MARS2: variants seen among roughly 807,000 people sequenced by gnomAD.
MARS2 encodes methionine--tRNA ligase, mitochondrial.
A neutral mutation model predicts 43.8 loss-of-function variants in MARS2; 33 were observed. The observed-to-expected ratio is 0.75, with a 90% CI of 0.57 to 1.01. The LOEUF (loss-of-function observed/expected upper bound fraction) is 1.01, where lower values mean the gene tolerates loss of function less well. Among genes scored for constraint, MARS2 ranks in the 50% least tolerant of loss-of-function variants. The probability of loss-of-function intolerance (pLI) is 0.00; values close to 1 mark genes in which losing one functional copy is unlikely to be tolerated. For synonymous variants in MARS2, 351 were observed against 325.5 expected (o/e 1.08, Z -0.84); for missense variants, 720 against 763.0 (o/e 0.94, Z 0.66).
At position 197,707,501 on chromosome 2, in the gene MARS2, C is replaced by G. The variant is rs533491324; in HGVS notation, c.*314C>G. The G allele has an allele frequency of 3.7e-6, 1 of 268,828 alleles. No homozygotes were observed. Among genetic ancestry groups the G allele is most frequent in the South Asian group, 5.2e-5 (1 of 19,248 alleles). 16.7% of individuals were successfully genotyped at this position (268,828 alleles called of 1,614,324 possible). A position where few individuals can be genotyped will look rare whatever the true frequency, so the allele number is the denominator to read the frequency against. On this transcript the variant is annotated 3_prime_UTR_variant, in exon 1 of 1. Coordinates refer to ENST00000282276, the MANE Select transcript of MARS2 (RefSeq NM_138395.4). The stretch of plus-strand genomic sequence containing the variant: ...CCACAGTTATTTGCCCAAACTACCT[C>G]TCGTGGCTGGTTTTTCATTGGCCTG...
At position 197,705,861 on chromosome 2, in the gene MARS2, G is replaced by A. The variant is rs1200526546; in HGVS notation, c.456G>A (p.Gly152=). 2.5e-6 allele frequency: 4 copies of A among 1,613,850 alleles called. No individual in the cohort carries two copies. The highest frequency in any genetic ancestry group is 3.4e-6 in the Non-Finnish European group (4 of 1,180,058). The change falls in exon 1 of 1, where the codon GGG becomes GGA. Residue 152 remains glycine (G), a synonymous_variant. Coordinates refer to ENST00000282276, the MANE Select transcript of MARS2 (RefSeq NM_138395.4). ...GGGTGGCTGTGCAGCACTTCTGGGG[G>A]GTGCTTAAGTCCCGCGGTCTGCTCT... is the stretch of plus-strand genomic sequence containing the variant. ...RHRVAVQHFW[G]VLKSRGLLYK... is the part of the protein sequence containing the mutation.
chr2:197,707,575 G>A lies in MARS2; in HGVS notation c.*388G>A, dbSNP rs1219078081. On this transcript the variant is annotated 3_prime_UTR_variant, in exon 1 of 1. Coordinates refer to ENST00000282276, the MANE Select transcript of MARS2 (RefSeq NM_138395.4). ...GTGACTCCTTTCTTTGAGGGTCAGGGTTGGAGGCCCCTTACTGGTGGTTTT... is the reference window on the plus strand; with the variant it reads ...GTGACTCCTTTCTTTGAGGGTCAGGATTGGAGGCCCCTTACTGGTGGTTTT... The A allele has an allele frequency of 4.9e-6, 1 of 204,398 alleles. No individual in the cohort carries two copies. Among genetic ancestry groups the A allele is most frequent in the Non-Finnish European group, 1.1e-5 (1 of 90,694 alleles). 12.7% of individuals were successfully genotyped at this position (204,398 alleles called of 1,614,324 possible).
In MARS2 at chr2:197,705,542, A is replaced by C. The variant is rs1378319220; in HGVS notation, c.137A>C (p.Tyr46Ser). The C allele has an allele frequency of 6.2e-7, 1 of 1,613,054 alleles. No homozygotes were observed. The highest frequency in any genetic ancestry group is 2.2e-5 in the East Asian group (1 of 44,886). The change falls in exon 1 of 1, where the codon TAC becomes TCC. Residue 46 changes from tyrosine to serine, a missense_variant. Coordinates refer to ENST00000282276, the MANE Select transcript of MARS2 (RefSeq NM_138395.4). The part of the protein sequence containing the change: ...AGDDACDVRA[Y>S]FTTPIFYVNA... The stretch of plus-strand genomic sequence containing the variant: ...GATGATGCTTGTGATGTGCGCGCCT[A>C]CTTCACTACACCCATTTTCTACGTG...
chr2:197,706,991 C>G lies in MARS2; in HGVS notation c.1586C>G (p.Pro529Arg). 3.7e-6 allele frequency: 6 copies of G among 1,614,196 alleles called. No homozygotes were observed. The highest frequency in any genetic ancestry group is 5.1e-6 in the Non-Finnish European group (6 of 1,180,040). ...GGGACTTTGCTGCAGCCTGTCACCCCAAGCCTAGCTGACAAGCTGCTGTCT... is the reference window on the plus strand; with the variant it reads ...GGGACTTTGCTGCAGCCTGTCACCCGAAGCCTAGCTGACAAGCTGCTGTCT... ...VFGTLLQPVTPSLADKLLSRL... is the reference protein window; with the variant it reads ...VFGTLLQPVTRSLADKLLSRL... Residue 529 changes from proline (P) to arginine (R), a missense_variant, in exon 1 of 1, where the codon CCA (proline) becomes CGA (arginine). Coordinates refer to ENST00000282276, the MANE Select transcript of MARS2 (RefSeq NM_138395.4).
At position 197,706,696 on chromosome 2, in the gene MARS2, AG is replaced by A; in HGVS notation, c.1292del (p.Ser431MetfsTer20). On this transcript the variant is annotated frameshift_variant, in exon 1 of 1. Transcript: ENST00000282276. LOFTEE classifies it high-confidence loss of function. The part of the protein sequence containing the change: ...YPAFCTTCFP[S>X]EPGLVGPSVR... ...AGCCTTCTGCACTACCTGCTTCCCTAGTGAGCCAGGGTTGGTGGGGCCGTCA... is the reference window on the plus strand; with the variant it reads ...AGCCTTCTGCACTACCTGCTTCCCTATGAGCCAGGGTTGGTGGGGCCGTCA... The A allele has an allele frequency of 1.2e-6, 2 of 1,614,036 alleles. No individual in the cohort carries two copies. Among genetic ancestry groups the A allele is most frequent in the Non-Finnish European group, 1.7e-6 (2 of 1,180,024 alleles).
At position 197,706,968 on chromosome 2, in the gene MARS2, G is replaced by A. The variant is rs1249384395; in HGVS notation, c.1563G>A (p.Gly521=). ...CCTTGGAATGTTTGCGAGTCTTTGGGACTTTGCTGCAGCCTGTCACCCCAA... is the reference window on the plus strand; with the variant it reads ...CCTTGGAATGTTTGCGAGTCTTTGGAACTTTGCTGCAGCCTGTCACCCCAA... The part of the protein sequence containing the change: ...HVALECLRVF[G]TLLQPVTPSL... Residue 521 remains glycine (G), a synonymous_variant, in exon 1 of 1, where the codon GGG becomes GGA. Coordinates refer to ENST00000282276, the MANE Select transcript of MARS2 (RefSeq NM_138395.4). 4.3e-6 allele frequency: 7 copies of A among 1,614,048 alleles called. No individual in the cohort carries two copies. In the African/African-American group the frequency reaches 6.7e-5, roughly 15 times the overall value.
Position 197,708,372 on chromosome 2 carries a change from G to A in MARS2, c.*1185G>A, listed in dbSNP as rs939741304. On this transcript the variant is annotated 3_prime_UTR_variant, in exon 1 of 1. Coordinates refer to ENST00000282276, the MANE Select transcript of MARS2 (RefSeq NM_138395.4). ...TGCTCTTTTAACTTAAGTTATTAAA[G>A]TTTAAAAGTTCGTAAGTACCTTATT... 1.8e-5 allele frequency: 3 copies of A among 166,726 alleles called. No individual in the cohort carries two copies. Among genetic ancestry groups the A allele is most frequent in the Non-Finnish European group, 4.4e-5 (3 of 68,106 alleles). 10.3% of individuals were successfully genotyped at this position (166,726 alleles called of 1,614,324 possible).
chr2:197,705,927 G>A lies in MARS2; in HGVS notation c.522G>A (p.Glu174=). The change falls in exon 1 of 1, where the codon GAG becomes GAA. Residue 174 remains glutamate, a synonymous_variant. Transcript: ENST00000282276. ...AAGGTTGGTATTGCGCTTCCGACGA[G>A]TGCTTCCTGCCTGAGGCCAAGGTCA... ...VYEGWYCASD[E]CFLPEAKVTQ... is the part of the protein sequence containing the mutation. The A allele has an allele frequency of 1.2e-6, 2 of 1,614,212 alleles. No individual in the cohort carries two copies. The highest frequency in any genetic ancestry group is 2.2e-5 in the South Asian group (2 of 91,090).
rs774759826 is a variant in MARS2 at position 197,707,840 on chromosome 2, C to T, written c.*653C>T. 10 of 167,154 alleles carry T rather than the reference C, an allele frequency of 6.0e-5. No homozygotes were observed. Among genetic ancestry groups the T allele is most frequent in the Non-Finnish European group, 1.2e-4 (8 of 68,120 alleles). 10.4% of individuals were successfully genotyped at this position (167,154 alleles called of 1,614,324 possible). A position where few individuals can be genotyped will look rare whatever the true frequency, so the allele number is the denominator to read the frequency against. ...ATTTACTTACTAAAGATTGAGGATT[C>T]GGAATATTTAGAATAAATTAGTTTT... On this transcript the variant is annotated 3_prime_UTR_variant, in exon 1 of 1. Coordinates refer to ENST00000282276, the MANE Select transcript of MARS2 (RefSeq NM_138395.4).
chr2:197,707,842 G>A lies in MARS2; in HGVS notation c.*655G>A, dbSNP rs1395924834. 1 of 167,158 alleles carries A rather than the reference G, an allele frequency of 6.0e-6. No individual in the cohort carries two copies. The highest frequency in any genetic ancestry group is 1.5e-5 in the Non-Finnish European group (1 of 68,122). The allele number at this position is 167,158 out of a possible 1,614,324, so 10.4% of individuals were successfully genotyped here. On this transcript the variant is annotated 3_prime_UTR_variant, in exon 1 of 1. Transcript: ENST00000282276. ...TTACTTACTAAAGATTGAGGATTCG[G>A]AATATTTAGAATAAATTAGTTTTCT...
Position 197,706,235 on chromosome 2 carries a change from A to C in MARS2, c.830A>C (p.Tyr277Ser), listed in dbSNP as rs771456786. 6.2e-7 allele frequency: 1 copy of C among 1,614,212 alleles called. No individual in the cohort carries two copies. The highest frequency in any genetic ancestry group is 8.5e-7 in the Non-Finnish European group (1 of 1,180,028). ...PVPGDDSQTI[Y>S]VWLDALVNYL... ...CCCGGGGATGATTCGCAGACCATCT[A>C]TGTATGGCTGGATGCCCTGGTCAAC... Residue 277 changes from tyrosine (Y) to serine (S), a missense_variant, in exon 1 of 1, where the codon TAT becomes TCT. Coordinates refer to ENST00000282276, the MANE Select transcript of MARS2 (RefSeq NM_138395.4).
chr2:197,706,026 G>T lies in MARS2; in HGVS notation c.621G>T (p.Lys207Asn). The T allele has an allele frequency of 6.2e-7, 1 of 1,614,146 alleles. No homozygotes were observed. Reference sequence around the variant, plus strand: ...GCGGGCATCCAGTCTCCTGGACCAAGGAAGAAAACTACATTTTCAGGCTTT... The same window carrying T: ...GCGGGCATCCAGTCTCCTGGACCAATGAAGAAAACTACATTTTCAGGCTTT... ...LESGHPVSWT[K>N]EENYIFRLSQ... Residue 207 changes from lysine (K) to asparagine (N), a missense_variant, in exon 1 of 1, where the codon AAG (lysine) becomes AAT (asparagine). Coordinates refer to ENST00000282276, the MANE Select transcript of MARS2 (RefSeq NM_138395.4).
In MARS2 at chr2:197,706,878, A is replaced by C. The variant is rs1269357148; in HGVS notation, c.1473A>C (p.Ala491=). 2 of 1,614,078 alleles carry C rather than the reference A, an allele frequency of 1.2e-6. No individual in the cohort carries two copies. The stretch of plus-strand genomic sequence containing the variant: ...CTAATGGTTTTGTCCAAAGGCATGC[A>C]CCATGGAAGCTGAACTGGGAGAGCC... ...RQTNGFVQRH[A]PWKLNWESPV... Residue 491 remains alanine (A), a synonymous_variant, in exon 1 of 1, where the codon GCA becomes GCC. Coordinates refer to ENST00000282276, the MANE Select transcript of MARS2 (RefSeq NM_138395.4).
Position 197,705,395 on chromosome 2 carries a change from C to T in MARS2, c.-11C>T, listed in dbSNP as rs569426760. ...GAACGCCGCCTCCTCCGCTTGCGGC[C>T]GGTCTGCACCATGCTGCGAACGTCC... On this transcript the variant is annotated 5_prime_UTR_variant, in exon 1 of 1. Coordinates refer to ENST00000282276, the MANE Select transcript of MARS2 (RefSeq NM_138395.4). 20 of 1,568,288 alleles carry T rather than the reference C, an allele frequency of 1.3e-5. No individual in the cohort carries two copies. Among genetic ancestry groups the T allele is most frequent in the Non-Finnish European group, 1.6e-5 (18 of 1,154,958 alleles).
rs2089492448 is a variant in MARS2, at chr2:197,708,376, A to G, written c.*1189A>G. ...CTTTTAACTTAAGTTATTAAAGTTT[A>G]AAAGTTCGTAAGTACCTTATTCAGA... On this transcript the variant is annotated 3_prime_UTR_variant, in exon 1 of 1. Transcript: ENST00000282276. The G allele has an allele frequency of 6.0e-6, 1 of 166,814 alleles. No individual in the cohort carries two copies. The highest frequency in any genetic ancestry group is 2.4e-5 in the African/African-American group (1 of 41,468). The allele number at this position is 166,814 out of a possible 1,614,324, so 10.3% of individuals were successfully genotyped here.
Position 197,707,145 on chromosome 2 carries a change from A to T in MARS2, c.1740A>T (p.Leu580=). The T allele has an allele frequency of 6.2e-7, 1 of 1,614,170 alleles. No individual in the cohort carries two copies. Among genetic ancestry groups the T allele is most frequent in the Non-Finnish European group, 8.5e-7 (1 of 1,180,026 alleles). Reference sequence around the variant, plus strand: ...AAACTGGGCTTTTGTTTCCAAGACTAGACCAGTCCAGGACTTGGCTGGTGA... The same window carrying T: ...AAACTGGGCTTTTGTTTCCAAGACTTGACCAGTCCAGGACTTGGCTGGTGA... ...GPETGLLFPR[L]DQSRTWLVKA... is the part of the protein sequence containing the mutation. Residue 580 remains leucine (L), a synonymous_variant, in exon 1 of 1, where the codon CTA becomes CTT. Transcript: ENST00000282276.
chr2:197,706,802 A>C lies in MARS2; in HGVS notation c.1397A>C (p.Asn466Thr). Residue 466 changes from asparagine to threonine, a missense_variant, in exon 1 of 1, where the codon AAC becomes ACC. Coordinates refer to ENST00000282276, the MANE Select transcript of MARS2 (RefSeq NM_138395.4). ...AAGCAGGTAGCAGACCACTATGATA[A>C]CTTTCGGATATATAAGGCTCTGGAG... ...LPKQVADHYD[N>T]FRIYKALEAV... is the part of the protein sequence containing the mutation. 1 of 1,614,034 alleles carries C rather than the reference A, an allele frequency of 6.2e-7. No individual in the cohort carries two copies. Among genetic ancestry groups the C allele is most frequent in the Non-Finnish European group, 8.5e-7 (1 of 1,180,022 alleles).
At position 197,705,924 on chromosome 2, in the gene MARS2, C is replaced by G. The variant is rs113763008; in HGVS notation, c.519C>G (p.Asp173Glu). The G allele has an allele frequency of 1.9e-6, 3 of 1,614,204 alleles. No homozygotes were observed. In the South Asian group the frequency reaches 3.3e-5, roughly 18 times the overall value. Residue 173 changes from aspartate (D) to glutamate (E), a missense_variant, in exon 1 of 1, where the codon GAC becomes GAG. Transcript: ENST00000282276. ...ATGAAGGTTGGTATTGCGCTTCCGA[C>G]GAGTGCTTCCTGCCTGAGGCCAAGG... ...GVYEGWYCAS[D>E]ECFLPEAKVT... is the part of the protein sequence containing the mutation.
At position 197,706,640 on chromosome 2, in the gene MARS2, C is replaced by T; in HGVS notation, c.1235C>T (p.Ala412Val). ...GGAGGTCTCTTGAACCGATGCACTG[C>T]CAAAAGAATAAATCCTTCTGAGACC... ...ALGGLLNRCT[A>V]KRINPSETYP... The change falls in exon 1 of 1, where the codon GCC becomes GTC. Residue 412 changes from alanine to valine, a missense_variant. Transcript: ENST00000282276. The T allele has an allele frequency of 3.1e-6, 5 of 1,614,196 alleles. No homozygotes were observed. Among genetic ancestry groups the T allele is most frequent in the Non-Finnish European group, 3.4e-6 (4 of 1,180,022 alleles).
Sources: gnomAD v4.1 joint callset for allele counts on GRCh38, gnomAD v4.1.1 for gene constraint, MANE v1.5 for transcripts, NCBI Gene and HGNC (gene_info 2026-07-23, HGNC 2026-07-21) for gene names.